Variants in FOCAD observed in about 807,000 individuals in gnomAD.
FOCAD encodes the protein KIAA1797.
In FOCAD, 198 loss-of-function variants were observed where a neutral mutation model predicts 225.6. That is an observed-to-expected ratio of 0.88 (90% CI 0.78 to 0.99). The LOEUF (loss-of-function observed/expected upper bound fraction) is 0.99. Ranked by LOEUF, FOCAD falls within the 50% of genes least tolerant of loss-of-function variation. FOCAD has a pLI of 0.00. For missense variants in FOCAD, 2,713 were observed against 2,123.6 expected, an observed-to-expected ratio of 1.28 and a Z score of -5.46; for synonymous variants, 897 against 755.0, an observed-to-expected ratio of 1.19 and a Z score of -3.08.
intron 2 of FOCAD, among the ~76,000 whole-genome samples, chr9:20,677,502 T>C (rs1822268202): frequency 6.6e-6 from 1 of 152,024 alleles, no homozygotes; most frequent in African/African-American, 2.4e-5. Flanking sequence ...TACAAAGAAT[T>C]CAGCTTAATA....
chr9:20,884,577 G>A (rs757599868), intron 20 of FOCAD, among the ~76,000 whole-genome samples: 1 of 152,044 alleles, frequency 6.6e-6, no homozygotes. Context: ...GATTACAGGT[G>A]TGAGCCACCG....
intron 39 of FOCAD, among the ~76,000 whole-genome samples, chr9:20,982,670 T>C (rs1840805749): frequency 6.6e-6 from 1 of 152,238 alleles, no homozygotes; most frequent in African/African-American, 2.4e-5. Context: ...AATAACTTTT[T>C]AACCCGATTT....
In FOCAD at chr9:20,976,414, T is replaced by G. The variant is rs1196680804; in HGVS notation, c.4133-6T>G. 6.2e-7 allele frequency: 1 copy of G among 1,612,466 alleles called. No homozygotes were observed. Among genetic ancestry groups the G allele is most frequent in the Admixed American group, 1.7e-5 (1 of 59,964 alleles). On this transcript the variant is annotated splice_region_variant and splice_polypyrimidine_tract_variant and intron_variant, in intron 35 of 43. Coordinates refer to ENST00000338382, the MANE Select transcript of FOCAD (RefSeq NM_001375567.1). ...TTTTACTATTATTTTTCACTGTCTGTTATAGGTCCTGAATCTGTGCCTCCT... is the reference window on the plus strand; with the variant it reads ...TTTTACTATTATTTTTCACTGTCTGGTATAGGTCCTGAATCTGTGCCTCCT...
At chr9:20,829,216 C>T (rs1825236894) in intron 15 of FOCAD, among the ~76,000 whole-genome samples, 1 of 151,942 alleles carries the variant, frequency 6.6e-6, no homozygotes, top group Non-Finnish European at 1.5e-5. Context: ...AAAACTGCAC[C>T]TTCCATAATT....
chr9:20,866,917 T>TTTTTTTTTTTTTAAAAAAAAA lies in FOCAD; in HGVS notation c.2107-12_2107-11insTTTTTTTTTTTTAAAAAAAAA. The TTTTTTTTTTTTTAAAAAAAAA allele has an allele frequency of 5.2e-6, 4 of 764,972 alleles. No homozygotes were observed. The highest frequency in any genetic ancestry group is 8.0e-6 in the Non-Finnish European group (4 of 498,468). 47.4% of individuals were successfully genotyped at this position (764,972 alleles called of 1,614,324 possible). A position where few individuals can be genotyped will look rare whatever the true frequency, so the allele number is the denominator to read the frequency against. ...TTTTTTTTTTTTTTTTTTTTTTTTT[T>TTTTTTTTTTTTTAAAAAAAAA]ACCCTATCTAGGACCCAATTGTAGC... On this transcript the variant is annotated splice_polypyrimidine_tract_variant and intron_variant, in intron 17 of 43. Transcript: ENST00000338382.
At chr9:20,982,530 C>A in intron 39 of FOCAD, 84 bp downstream of exon 39, 2 of 1,111,864 alleles carry the variant, frequency 1.8e-6, no homozygotes, top group East Asian at 2.4e-5. Context: ...TTGGCTGAAG[C>A]AAGTTTTGCT....
intron 8 of FOCAD, among the ~76,000 whole-genome samples, chr9:20,770,486 C>G (rs1301416980): frequency 6.6e-6 from 1 of 152,134 alleles, no homozygotes; most frequent in Non-Finnish European, 1.5e-5. Context: ...CGAGATACTA[C>G]ACGCTTTTAA....
chr9:20,774,005 C>T (rs555508995), intron 8 of FOCAD, among the ~76,000 whole-genome samples: 89 of 152,258 alleles, frequency 5.8e-4, no homozygotes, highest in South Asian at 1.5e-3. Context: ...TCAGATCAGC[C>T]GATGCATTAG....
rs1447872343 is a variant in FOCAD at position 20,789,343 on chromosome 9, T to C, written c.1198-8T>C. 6.2e-7 allele frequency: 1 copy of C among 1,605,956 alleles called. No individual in the cohort carries two copies. The highest frequency in any genetic ancestry group is 8.5e-7 in the Non-Finnish European group (1 of 1,173,058). ...CTTATTTATGCCTCTCTTGTCTTTA[T>C]TTTTCAGCTCTCCTACAAGCTTGTG... is the stretch of plus-strand genomic sequence containing the variant. On this transcript the variant is annotated splice_polypyrimidine_tract_variant and splice_region_variant and intron_variant, in intron 10 of 43. Coordinates refer to ENST00000338382, the MANE Select transcript of FOCAD (RefSeq NM_001375567.1).
At chr9:20,791,217 A>G (rs1401023927) in intron 11 of FOCAD, among the ~76,000 whole-genome samples, 1 of 124,170 alleles carries the variant, frequency 8.1e-6, no homozygotes, top group Non-Finnish European at 1.7e-5. Flanking sequence ...ATATATATGC[A>G]TGCACACACA....
At chr9:20,865,783 T>C (rs1829175054) in intron 16 of FOCAD, 143 bp from the exon 17 acceptor site, 1 of 543,156 alleles carries the variant, frequency 1.8e-6, no homozygotes, top group Middle Eastern at 4.8e-4. Context: ...ATTTTATGAA[T>C]GATGGGTGAA....
At chr9:20,881,096 A>G (rs1006450936) in intron 19 of FOCAD, among the ~76,000 whole-genome samples, 2 of 152,246 alleles carry the variant, frequency 1.3e-5, no homozygotes, top group Non-Finnish European at 2.9e-5. Flanking sequence ...TCATTTTAAA[A>G]TAATTGTCCT....
At chr9:20,677,021 G>A (rs1048734707) in intron 2 of FOCAD, among the ~76,000 whole-genome samples, 6 of 152,140 alleles carry the variant, frequency 3.9e-5, no homozygotes, top group Middle Eastern at 3.2e-3. Context: ...AAACAGTATG[G>A]TACTGGCATA....
At chr9:20,777,402 C>T (rs1414557012) in intron 8 of FOCAD, among the ~76,000 whole-genome samples, 1 of 148,878 alleles carries the variant, frequency 6.7e-6, no homozygotes, top group East Asian at 2.0e-4. Flanking sequence ...TTAGCTGAAC[C>T]TTTCTTCTTT....
At chr9:20,949,536 A>C in intron 32 of FOCAD, 68 bp from the exon 33 acceptor site, 1 of 975,762 alleles carries the variant, frequency 1.0e-6, no homozygotes, top group Non-Finnish European at 1.5e-6. Flanking sequence ...TAGCTCATGC[A>C]CCGGGAATAT....
chr9:20,825,146 C>CGTGT (rs10562859), intron 15 of FOCAD, among the ~76,000 whole-genome samples: 9,936 of 138,956 alleles, frequency 0.072, 534 homozygotes, highest in East Asian at 0.28. Context: ...TCAAGCTTTG[C>CGTGT]GTGTGTGTGT....
intron 15 of FOCAD, among the ~76,000 whole-genome samples, chr9:20,831,569 T>C (rs1335785433): frequency 6.6e-6 from 1 of 152,016 alleles, no homozygotes; most frequent in Non-Finnish European, 1.5e-5. Context: ...GGGGGAGAGA[T>C]AGAAGACACA....
intron 6 of FOCAD, among the ~76,000 whole-genome samples, chr9:20,758,405 T>G (rs1363034376): frequency 6.6e-6 from 1 of 152,098 alleles, no homozygotes; most frequent in Non-Finnish European, 1.5e-5. Flanking sequence ...AGGGTACATG[T>G]GCACAATGTG....
chr9:20,787,228 G>C (rs1460544705), intron 10 of FOCAD, among the ~76,000 whole-genome samples: 11 of 152,112 alleles, frequency 7.2e-5, no homozygotes, highest in Non-Finnish European at 1.5e-4. Flanking sequence ...TGAGGTTCAT[G>C]GTAATTTCCA....
Sources: gnomAD v4.1 joint callset for allele counts (sites outside exome capture counted in the v4.1 genomes callset) on GRCh38, gnomAD v4.1.1 for gene constraint, MANE v1.5 for transcripts, NCBI Gene and HGNC (gene_info 2026-07-23, HGNC 2026-07-21) for gene names.